ZNF28: variants seen among roughly 807,000 people sequenced by gnomAD.
ZNF28 encodes zinc finger protein 28, also known as zinc finger protein KOX24.
In ZNF28, 5 loss-of-function variants were observed where a neutral mutation model predicts 7.2. That is an observed-to-expected ratio of 0.70 (90% CI 0.36 to 1.46). ZNF28 has a LOEUF of 1.46. Ranked by LOEUF, ZNF28 falls within the 40% of genes most tolerant of loss-of-function variation. The pLI, the probability that ZNF28 is intolerant of heterozygous loss-of-function variation, is 0.03. For missense variants in ZNF28, 879 were observed against 866.6 expected (o/e 1.01, Z -0.18); for synonymous variants, 288 against 292.4 (o/e 0.99, Z 0.15).
At position 52,800,961 on chromosome 19, in the gene ZNF28, G is replaced by C. The variant is rs2062860551; in HGVS notation, c.884C>G (p.Ala295Gly). 2 of 1,614,106 alleles carry C rather than the reference G, an allele frequency of 1.2e-6. No homozygotes were observed. Among genetic ancestry groups the C allele is most frequent in the Non-Finnish European group, 1.7e-6 (2 of 1,180,014 alleles). Residue 295 changes from alanine (A) to glycine (G), a missense_variant, in exon 4 of 4, where the codon GCA (alanine) becomes GGA (glycine). Coordinates refer to ENST00000457749, the MANE Select transcript of ZNF28 (RefSeq NM_006969.5). ...TTCTTCACATTCATAAGGTTTGTCT[G>C]CAGTATGAAGCGCCTTGTGAAGGAA... ...SLFLHKALHT[A>G]DKPYECEECD...
Position 52,801,478 on chromosome 19 carries a change from T to C in ZNF28, c.367A>G (p.Thr123Ala), listed in dbSNP as rs765883955. The change falls in exon 4 of 4, where the codon ACA (threonine) becomes GCA (alanine). Residue 123 changes from threonine (T) to alanine (A), a missense_variant. This residue lies in a region of ZNF28 where 864 missense variants were observed against 830.2 expected (regional missense o/e 1.04). Coordinates refer to ENST00000457749, the MANE Select transcript of ZNF28 (RefSeq NM_006969.5). ...GCATGCCTTTGATCATGTTGGCCTG[T>C]ACTACCAGTCAACTCTTTGATTTCT... The part of the protein sequence containing the change: ...MTEIKELTGS[T>A]GQHDQRHAGN... 2 of 1,614,072 alleles carry C rather than the reference T, an allele frequency of 1.2e-6. No homozygotes were observed. Among genetic ancestry groups the C allele is most frequent in the Non-Finnish European group, 1.7e-6 (2 of 1,180,022 alleles).
intron 2 of ZNF28, among the ~76,000 whole-genome samples, chr19:52,815,931 A>G (rs1309013307): frequency 6.8e-6 from 1 of 147,474 alleles, no homozygotes; most frequent in Non-Finnish European, 1.5e-5. Context: ...AAACCTTCAC[A>G]TGTAGCCCCA....
chr19:52,798,400 T>G lies in ZNF28; in HGVS notation c.*1288A>C. On this transcript the variant is annotated 3_prime_UTR_variant, in exon 4 of 4. Coordinates refer to ENST00000457749, the MANE Select transcript of ZNF28 (RefSeq NM_006969.5). The stretch of plus-strand genomic sequence containing the variant: ...GTGCTCATTTAACTGTAATGTCAAT[T>G]AATGCTTGATGGCTTGCTATACTAA... 2.6e-6 allele frequency: 1 copy of G among 384,672 alleles called. No individual in the cohort carries two copies. Among genetic ancestry groups the G allele is most frequent in the Non-Finnish European group, 5.1e-6 (1 of 194,804 alleles). 23.8% of individuals were successfully genotyped at this position (384,672 alleles called of 1,614,324 possible). A position where few individuals can be genotyped will look rare whatever the true frequency, so the allele number is the denominator to read the frequency against.
chr19:52,815,864 G>A (rs10415522), intron 2 of ZNF28, among the ~76,000 whole-genome samples: 77,636 of 146,140 alleles, frequency 0.53, 25,578 homozygotes, highest in Non-Finnish European at 0.68. Flanking sequence ...CCTTGACAAC[G>A]GTGTGATGAA....
At position 52,801,408 on chromosome 19, in the gene ZNF28, G is replaced by C; in HGVS notation, c.437C>G (p.Ser146Trp). 1 of 1,614,178 alleles carries C rather than the reference G, an allele frequency of 6.2e-7. No individual in the cohort carries two copies. The highest frequency in any genetic ancestry group is 2.2e-5 in the East Asian group (1 of 44,876). ...AAATATGTGCAGTTCAGGCAGATGC[G>C]AATGAAAGCTTAATCCAAGCTGATC... ...IKDQLGLSFH[S>W]HLPELHIFQP... The change falls in exon 4 of 4, where the codon TCG becomes TGG. Residue 146 changes from serine (S) to tryptophan (W), a missense_variant. Physicochemically the swap from Ser to Trp is radical, Grantham distance 177. Transcript: ENST00000457749.
chr19:52,803,461 C>A (rs1395847207), intron 3 of ZNF28, among the ~76,000 whole-genome samples: 2 of 152,062 alleles, frequency 1.3e-5, no homozygotes, highest in Non-Finnish European at 2.9e-5. Flanking sequence ...TCATAAAAAT[C>A]AATTAATCAA....
rs767119907 is a variant in ZNF28 at position 52,808,112 on chromosome 19, C to T, written c.37G>A (p.Val13Met). The change falls in exon 3 of 4, where the codon GTG becomes ATG. Residue 13 changes from valine (V) to methionine (M), a missense_variant. By Grantham distance (21) the Val-to-Met change is conservative. Coordinates refer to ENST00000457749, the MANE Select transcript of ZNF28 (RefSeq NM_006969.5). Reference sequence around the variant, plus strand: ...TCCTCCTGAGAGAATTCTATGGCCACGTCCCTGAATGTCAATAGACCCTGA... The same window carrying T: ...TCCTCCTGAGAGAATTCTATGGCCATGTCCCTGAATGTCAATAGACCCTGA... ...LPQGLLTFRD[V>M]AIEFSQEEWK... The T allele has an allele frequency of 1.4e-5, 23 of 1,613,158 alleles. No individual in the cohort carries two copies. Among genetic ancestry groups the T allele is most frequent in the Admixed American group, 8.3e-5 (5 of 59,950 alleles).
intron 3 of ZNF28, among the ~76,000 whole-genome samples, chr19:52,802,504 C>T (rs2062885007): frequency 6.6e-6 from 1 of 152,126 alleles, no homozygotes; most frequent in Non-Finnish European, 1.5e-5. Context: ...GTGGCAAAAC[C>T]CCATCTGTAC....
chr19:52,804,086 G>A (rs1442140700), intron 3 of ZNF28, among the ~76,000 whole-genome samples: 1 of 152,184 alleles, frequency 6.6e-6, no homozygotes, highest in Non-Finnish European at 1.5e-5. Context: ...CTCATGAATA[G>A]GACTAGTGCA....
At position 52,799,995 on chromosome 19, in the gene ZNF28, C is replaced by T. The variant is rs139889621; in HGVS notation, c.1850G>A (p.Arg617His). 2,462 of 1,613,336 alleles carry T rather than the reference C, an allele frequency of 1.5e-3. 9 individuals carry two copies. Among genetic ancestry groups the T allele is most frequent in the Non-Finnish European group, 1.5e-3 (1,779 of 1,179,836 alleles). ...YKCNECGKTFRQTSSLIIHRR... is the reference protein window; with the variant it reads ...YKCNECGKTFHQTSSLIIHRR... ...ATGGATTATAAGCGATGATGTCTGA[C>T]GGAAGGTCTTGCCACACTCATTACA... The change falls in exon 4 of 4, where the codon CGT becomes CAT. Residue 617 changes from arginine (R) to histidine (H), a missense_variant. By Grantham distance (29) the Arg-to-His change is conservative (BLOSUM62 0). Coordinates refer to ENST00000457749, the MANE Select transcript of ZNF28 (RefSeq NM_006969.5).
intron 2 of ZNF28, among the ~76,000 whole-genome samples, chr19:52,812,016 G>GT (rs1233935683): frequency 7.1e-5 from 3 of 42,354 alleles, no homozygotes; most frequent in African/African-American, 2.2e-4. Context: ...GAGGGAGGTG[G>GT]GGGGGACAGC....
chr19:52,818,134 C>T (rs1005317265), intron 1 of ZNF28, 103 bp from the exon 2 acceptor site: 2 of 1,216,086 alleles, frequency 1.6e-6, no homozygotes, highest in Admixed American at 2.6e-5. Context: ...GAAATATGGT[C>T]CCCTATGCTG....
At chr19:52,811,799 C>T (rs1225625767) in intron 2 of ZNF28, among the ~76,000 whole-genome samples, 13 of 141,250 alleles carry the variant, frequency 9.2e-5, no homozygotes, top group East Asian at 6.8e-4. Context: ...CCGCCCCGTC[C>T]GGGAGGTGAG....
intron 2 of ZNF28, chr19:52,814,179 G>T (rs1280959663): frequency 1.4e-5 from 2 of 146,750 alleles, no homozygotes; most frequent in Admixed American, 6.9e-5. Flanking sequence ...GATGGAGGAC[G>T]TGACAGGGAA....
chr19:52,801,670 A>C lies in ZNF28; in HGVS notation c.175T>G (p.Phe59Val), dbSNP rs982117548. The stretch of plus-strand genomic sequence containing the variant: ...TCTGTATTGCCTTGCCCTGTTGAGA[A>C]GAATGTCTTCATCATGCATTTGGAA... ...ISSKCMMKTF[F>V]STGQGNTEAF... The change falls in exon 4 of 4, where the codon TTC becomes GTC. Residue 59 changes from phenylalanine to valine, a missense_variant. By Grantham distance (50) the Phe-to-Val change is conservative. This residue lies in a region of ZNF28 where 864 missense variants were observed against 830.2 expected (regional missense o/e 1.04). Coordinates refer to ENST00000457749, the MANE Select transcript of ZNF28 (RefSeq NM_006969.5). The C allele has an allele frequency of 8.1e-6, 13 of 1,611,504 alleles. 1 individual carries two copies. Among genetic ancestry groups the C allele is most frequent in the Middle Eastern group, 3.3e-4 (2 of 6,058 alleles).
rs749680271 is a variant in ZNF28, at chr19:52,800,463, T to C, written c.1382A>G (p.His461Arg). ...ACATTTGTATGGTTTCTCTGCAGTA[T>C]GAAGTCTATGATGGCGTGCAAGAGT... ...QSTLARHHRL[H>R]TAEKPYKCEE... Residue 461 changes from histidine to arginine, a missense_variant, in exon 4 of 4, where the codon CAT becomes CGT. This residue lies in a region of ZNF28 where 864 missense variants were observed against 830.2 expected (regional missense o/e 1.04). Coordinates refer to ENST00000457749, the MANE Select transcript of ZNF28 (RefSeq NM_006969.5). The C allele has an allele frequency of 3.1e-6, 5 of 1,613,738 alleles. No individual in the cohort carries two copies. The South Asian group carries it at 3.3e-5, about 11-fold the overall frequency.
chr19:52,811,780 C>T (rs2063047320), intron 2 of ZNF28, among the ~76,000 whole-genome samples: 1 of 148,464 alleles, frequency 6.7e-6, no homozygotes, highest in African/African-American at 2.5e-5. Flanking sequence ...CAGCCCCCCG[C>T]CCGGCCAGCC....
At chr19:52,802,612 G>C (rs557739267) in intron 3 of ZNF28, among the ~76,000 whole-genome samples, 1 of 152,108 alleles carries the variant, frequency 6.6e-6, no homozygotes, top group South Asian at 2.1e-4. Flanking sequence ...GGGAGGCAAA[G>C]ATTGTGGTGA....
chr19:52,800,594 G>A lies in ZNF28; in HGVS notation c.1251C>T (p.Asp417=), dbSNP rs1192257331. ...GEKPYKCKVC[D]KAFAYNSYLA... The stretch of plus-strand genomic sequence containing the variant: ...GGTATGAATTATATGCAAAAGCCTT[G>A]TCACAAACCTTACATTTGTATGGTT... The change falls in exon 4 of 4, where the codon GAC becomes GAT. Residue 417 remains aspartate, a synonymous_variant. Coordinates refer to ENST00000457749, the MANE Select transcript of ZNF28 (RefSeq NM_006969.5). 5 of 1,613,490 alleles carry A rather than the reference G, an allele frequency of 3.1e-6. No individual in the cohort carries two copies. In the African/African-American group the frequency reaches 6.7e-5, roughly 22 times the overall value.
Sources: gnomAD v4.1 joint callset for allele counts (sites outside exome capture counted in the v4.1 genomes callset) on GRCh38, gnomAD v4.1.1 for gene constraint, gnomAD v4.1.1 regional missense constraint, MANE v1.5 for transcripts, NCBI Gene and HGNC (gene_info 2026-07-23, HGNC 2026-07-21) for gene names.